The following PRKD1 variants were observed in gnomAD, a reference collection of about 807,000 sequenced individuals.
The protein encoded by PRKD1 is protein kinase D1, also known as serine/threonine-protein kinase D1.
Under a neutral mutation model 95.9 loss-of-function variants are expected in PRKD1, and 63 were observed. That is an observed-to-expected ratio of 0.66 (90% CI 0.54 to 0.81). The LOEUF is 0.81. PRKD1 is among the 30% of genes least tolerant of loss of function. The pLI is 0.00. For missense variants in PRKD1, 1,048 were observed against 1,165.3 expected (o/e 0.90, Z 1.47); for synonymous variants, 425 against 423.1 (o/e 1.00, Z -0.05).
rs1050049046 is a variant in PRKD1 at position 29,807,528 on chromosome 14, C to T, written c.265-81854G>A. Among the ~76,000 whole-genome samples, 5 of 152,164 alleles carry T rather than the reference C, an allele frequency of 3.3e-5. No homozygotes were observed. In the East Asian group the frequency reaches 9.7e-4, roughly 29 times the overall value. On this transcript the variant is annotated intron_variant, in intron 1 of 17. Transcript: ENST00000331968. Reference sequence around the variant, plus strand: ...CCTCCCACCTCAGCATCCCAAGTAGCTGGGACTACCGGTGTGTGCCACCAT... The same window carrying T: ...CCTCCCACCTCAGCATCCCAAGTAGTTGGGACTACCGGTGTGTGCCACCAT...
chr14:29,715,778 C>T (rs1885576859), intron 2 of PRKD1, among the ~76,000 whole-genome samples: 2 of 152,144 alleles, frequency 1.3e-5, no homozygotes, highest in South Asian at 4.1e-4. Context: ...TTCTATAACT[C>T]ATCCATTTCA....
chr14:29,679,780 A>T (rs983104663), intron 2 of PRKD1, among the ~76,000 whole-genome samples: 2 of 144,244 alleles, frequency 1.4e-5, no homozygotes, highest in Non-Finnish European at 3.0e-5. Context: ...CAGGCTGGAG[A>T]GCAGTGGTGC....
Position 29,576,840 on chromosome 14 carries a change from A to G in PRKD1, c.*398T>C. 1 of 224,290 alleles carries G rather than the reference A, an allele frequency of 4.5e-6. No homozygotes were observed. The highest frequency in any genetic ancestry group is 9.1e-6 in the Non-Finnish European group (1 of 110,162). The allele number at this position is 224,290 out of a possible 1,614,324, so 13.9% of individuals were successfully genotyped here. On this transcript the variant is annotated 3_prime_UTR_variant, in exon 18 of 18. Coordinates refer to ENST00000331968, the MANE Select transcript of PRKD1 (RefSeq NM_002742.3). Reference sequence around the variant, plus strand: ...CACTGGAAATAATCGACTCTTCAAGAGTTTGTTTACAATGACAACACCAAT... The same window carrying G: ...CACTGGAAATAATCGACTCTTCAAGGGTTTGTTTACAATGACAACACCAAT...
intron 1 of PRKD1, among the ~76,000 whole-genome samples, chr14:29,897,375 C>T (rs546378960): frequency 5.3e-5 from 8 of 151,942 alleles, no homozygotes; most frequent in East Asian, 1.9e-4. Flanking sequence ...TGGGTATTAC[C>T]GCACAAATAA....
intron 1 of PRKD1, among the ~76,000 whole-genome samples, chr14:29,820,780 G>C (rs1890879906): frequency 1.3e-5 from 2 of 152,196 alleles, no homozygotes; most frequent in South Asian, 4.1e-4. Flanking sequence ...AAAAGGTAAA[G>C]AAAGGGAAGG....
chr14:29,869,425 G>A (rs1024600892), intron 1 of PRKD1, among the ~76,000 whole-genome samples: 1 of 148,980 alleles, frequency 6.7e-6, no homozygotes, highest in Non-Finnish European at 1.5e-5. Flanking sequence ...GGACAAGAGC[G>A]AAACTCCATC....
chr14:29,626,819 A>T (rs1441673030), intron 11 of PRKD1, among the ~76,000 whole-genome samples: 2 of 150,572 alleles, frequency 1.3e-5, no homozygotes, highest in African/African-American at 4.9e-5. Flanking sequence ...GGTTCAAGAG[A>T]TTCTCCTGCC....
intron 1 of PRKD1, among the ~76,000 whole-genome samples, chr14:29,890,058 C>T (rs1408064815): frequency 6.6e-6 from 1 of 152,172 alleles, no homozygotes; most frequent in Non-Finnish European, 1.5e-5. Flanking sequence ...TTTAATTACA[C>T]ATATGCATTT....
At chr14:29,701,360 T>C (rs1277826321) in intron 2 of PRKD1, among the ~76,000 whole-genome samples, 1 of 152,176 alleles carries the variant, frequency 6.6e-6, no homozygotes, top group Non-Finnish European at 1.5e-5. Context: ...ACAGTACACT[T>C]GAGAAGCAAT....
chr14:29,899,403 T>C (rs1894242630), intron 1 of PRKD1, among the ~76,000 whole-genome samples: 1 of 152,128 alleles, frequency 6.6e-6, no homozygotes, highest in Non-Finnish European at 1.5e-5. Flanking sequence ...TCTCAGCACT[T>C]TCAGAGGCCG....
chr14:29,888,286 AAGAAAGAG>A (rs917248157), intron 1 of PRKD1, among the ~76,000 whole-genome samples: 17 of 152,030 alleles, frequency 1.1e-4, no homozygotes, highest in African/African-American at 2.9e-4. Flanking sequence ...AGCGAGAAGA[AAGAAAGAG>A]AGAAAGAGAG....
At chr14:29,628,447 G>A (rs1017834494) in intron 11 of PRKD1, among the ~76,000 whole-genome samples, 1 of 152,124 alleles carries the variant, frequency 6.6e-6, no homozygotes, top group East Asian at 1.9e-4. Context: ...TTGACGGACT[G>A]TAAAATATTT....
intron 13 of PRKD1, among the ~76,000 whole-genome samples, chr14:29,600,182 A>G (rs753418043): frequency 1.4e-4 from 22 of 152,164 alleles, no homozygotes; most frequent in Non-Finnish European, 2.8e-4. Flanking sequence ...ATTTATATAC[A>G]ATTGGTAGAA....
intron 1 of PRKD1, among the ~76,000 whole-genome samples, chr14:29,737,808 C>A (rs1448260456): frequency 3.3e-5 from 5 of 152,116 alleles, no homozygotes. Flanking sequence ...TTGAGAGAAC[C>A]AAGACAGCAA....
chr14:29,863,545 C>T (rs975996903), intron 1 of PRKD1, among the ~76,000 whole-genome samples: 2 of 152,096 alleles, frequency 1.3e-5, no homozygotes, highest in Admixed American at 1.3e-4. Flanking sequence ...GACTTCTGGA[C>T]TCGATTTGGC....
chr14:29,645,303 T>C (rs1291158955), intron 4 of PRKD1, among the ~76,000 whole-genome samples: 1 of 152,182 alleles, frequency 6.6e-6, no homozygotes, highest in Non-Finnish European at 1.5e-5. Flanking sequence ...CCAGCTTGTC[T>C]GTGCTTAGAT....
intron 4 of PRKD1, among the ~76,000 whole-genome samples, chr14:29,659,149 T>A (rs1210495977): frequency 3.9e-5 from 6 of 152,236 alleles, no homozygotes; most frequent in Non-Finnish European, 4.4e-5. Context: ...GAAAGCTCAC[T>A]TCTGCTCCTT....
intron 2 of PRKD1, among the ~76,000 whole-genome samples, chr14:29,699,428 C>T (rs1884712316): frequency 6.6e-6 from 1 of 152,016 alleles, no homozygotes; most frequent in Non-Finnish European, 1.5e-5. Context: ...ATTGCGTATT[C>T]ATCTTCCATT....
At chr14:29,599,254 G>A (rs914948539) in intron 14 of PRKD1, 129 bp from the exon 15 acceptor site, 4 of 738,018 alleles carry the variant, frequency 5.4e-6, no homozygotes, top group African/African-American at 3.6e-5. Flanking sequence ...ACACTGAAAT[G>A]AGCTAGATTA....
Sources: gnomAD v4.1 joint callset for allele counts (sites outside exome capture counted in the v4.1 genomes callset) on GRCh38, gnomAD v4.1.1 for gene constraint, MANE v1.5 for transcripts, NCBI Gene and HGNC (gene_info 2026-07-23, HGNC 2026-07-21) for gene names.